Variants in OBP2B observed in about 807,000 individuals in gnomAD.
The protein encoded by OBP2B is odorant binding protein 2B.
Under a neutral mutation model 21.7 loss-of-function variants are expected in OBP2B, and 10 were observed. The ratio of observed to expected loss-of-function variants is 0.46; its 90% CI spans 0.28 to 0.78. The LOEUF (loss-of-function observed/expected upper bound fraction) is 0.78, where lower values mean the gene tolerates loss of function less well. OBP2B is among the 30% of genes least tolerant of loss of function. The pLI is 0.11. For missense variants in OBP2B, 153 were observed against 217.7 expected (o/e 0.70, Z 1.87); for synonymous variants, 73 against 91.5 (o/e 0.80, Z 1.16).
upstream of OBP2B, among the ~76,000 whole-genome samples, chr9:133,210,221 G>A (rs1419800126): frequency 6.6e-6 from 1 of 152,074 alleles, no homozygotes; most frequent in African/African-American, 2.4e-5. Context: ...GCATTTCCCA[G>A]GTGTGTGTCA....
chr9:133,211,444 T>C (rs1268235691), upstream of OBP2B, among the ~76,000 whole-genome samples: 1 of 152,114 alleles, frequency 6.6e-6, no homozygotes, highest in Non-Finnish European at 1.5e-5. Context: ...CCTGCCACAG[T>C]TGTAGATCGT....
the OBP2B span, among the ~76,000 whole-genome samples, chr9:133,220,876 A>C: frequency 6.6e-6 from 1 of 152,160 alleles, no homozygotes; most frequent in Admixed American, 6.5e-5. Flanking sequence ...AGGAGAGAGA[A>C]TATTTATGAA....
chr9:133,208,621 G>A lies in OBP2B; in HGVS notation c.73-19C>T, dbSNP rs1356154941. ...CTGTGATCTGGAGCAGGCCAAGGCCGTGAGCCCACCATGGGTGGCCCAGAT... is the reference window on the plus strand; with the variant it reads ...CTGTGATCTGGAGCAGGCCAAGGCCATGAGCCCACCATGGGTGGCCCAGAT... On this transcript the variant is annotated intron_variant, in intron 1 of 6. Transcript: ENST00000372034. 12 of 1,585,440 alleles carry A rather than the reference G, an allele frequency of 7.6e-6. No individual in the cohort carries two copies. Among genetic ancestry groups the A allele is most frequent in the African/African-American group, 2.7e-5 (2 of 74,272 alleles).
upstream of OBP2B, among the ~76,000 whole-genome samples, chr9:133,210,283 C>T (rs1281342293): frequency 6.6e-6 from 1 of 152,176 alleles, no homozygotes; most frequent in Non-Finnish European, 1.5e-5. Flanking sequence ...GTGCTGGACC[C>T]ACACAATGGC....
At chr9:133,212,866 G>A (rs1182147130), upstream of OBP2B, among the ~76,000 whole-genome samples, 1 of 152,114 alleles carries the variant, frequency 6.6e-6, no homozygotes, top group East Asian at 1.9e-4. Flanking sequence ...GGGAGGCGGA[G>A]GTTGCAGTGG....
chr9:133,219,934 T>G, the OBP2B span, among the ~76,000 whole-genome samples: 19 of 152,194 alleles, frequency 1.2e-4, no homozygotes, highest in Admixed American at 5.9e-4. Flanking sequence ...GAAATATTAT[T>G]CTGTCATAAA....
At chr9:133,214,825 G>A in the OBP2B span, among the ~76,000 whole-genome samples, 80 of 152,326 alleles carry the variant, frequency 5.3e-4, no homozygotes, top group Non-Finnish European at 9.8e-4. Context: ...AGTTACAAAC[G>A]CTTTCTCCTT....
chr9:133,205,528 G>A (rs1833676352), intron 6 of OBP2B, 117 bp from the exon 7 acceptor site: 1 of 702,030 alleles, frequency 1.4e-6, no homozygotes, highest in Admixed American at 3.0e-5. Flanking sequence ...GGCAACCTCG[G>A]GGCTCCAGAG....
At chr9:133,219,799 T>C in the OBP2B span, among the ~76,000 whole-genome samples, 1 of 152,178 alleles carries the variant, frequency 6.6e-6, no homozygotes, top group Non-Finnish European at 1.5e-5. Flanking sequence ...AATGAAAACA[T>C]ATGTTCCCAT....
intron 4 of OBP2B, among the ~76,000 whole-genome samples, chr9:133,206,774 G>C (rs1833728801): frequency 2.0e-5 from 3 of 151,904 alleles, no homozygotes; most frequent in Admixed American, 2.0e-4. Context: ...CCAGGAAGGG[G>C]GACAGTGGCG....
At chr9:133,207,932 G>C in intron 3 of OBP2B, 1 of 1,534,074 alleles carries the variant, frequency 6.5e-7, no homozygotes. Flanking sequence ...GGTCCATCTC[G>C]ACTGCGGACA....
chr9:133,208,085 G>C (rs1214432429), intron 3 of OBP2B, 48 bp downstream of exon 3: 2 of 1,531,958 alleles, frequency 1.3e-6, no homozygotes, highest in African/African-American at 2.8e-5. Flanking sequence ...TGGTGCACTG[G>C]GGTTGGCGGT....
At position 133,208,572 on chromosome 9, in the gene OBP2B, C is replaced by A; in HGVS notation, c.103G>T (p.Val35Leu). The change falls in exon 2 of 7, where the codon GTG (valine) becomes TTG (leucine). Residue 35 changes from valine to leucine, a missense_variant. Physicochemically the swap from Val to Leu is conservative, Grantham distance 32 (BLOSUM62 1). Coordinates refer to ENST00000372034, the MANE Select transcript of OBP2B (RefSeq NM_014581.4). ...ITGTWYVKAM[V>L]VDKDFPEDRR... ...TCCTCCGGAAAGTCCTTATCGACCA[C>A]CATGGCCTTCACGTACCAGGTCCCT... The A allele has an allele frequency of 6.2e-7, 1 of 1,612,268 alleles. No homozygotes were observed. The highest frequency in any genetic ancestry group is 8.5e-7 in the Non-Finnish European group (1 of 1,178,978).
the OBP2B span, among the ~76,000 whole-genome samples, chr9:133,218,641 G>T: frequency 6.6e-6 from 1 of 152,188 alleles, no homozygotes; most frequent in Non-Finnish European, 1.5e-5. Flanking sequence ...CACAGACAGC[G>T]CAGGCTGTGA....
chr9:133,219,579 C>T, the OBP2B span, among the ~76,000 whole-genome samples: 5 of 152,194 alleles, frequency 3.3e-5, no homozygotes, highest in Non-Finnish European at 7.4e-5. Context: ...ACTTCACACT[C>T]ATTAGGATGG....
chr9:133,220,892 G>A, the OBP2B span, among the ~76,000 whole-genome samples: 1 of 152,196 alleles, frequency 6.6e-6, no homozygotes, highest in Non-Finnish European at 1.5e-5. Context: ...ATGAACAGAA[G>A]TAGAAGAGGC....
At chr9:133,216,524 T>C in the OBP2B span, among the ~76,000 whole-genome samples, 69 of 148,750 alleles carry the variant, frequency 4.6e-4, no homozygotes, top group Non-Finnish European at 8.5e-4. Flanking sequence ...AACCCCGCAA[T>C]AGAACCCCTG....
chr9:133,211,206 A>G (rs1833912288), upstream of OBP2B, among the ~76,000 whole-genome samples: 1 of 152,226 alleles, frequency 6.6e-6, no homozygotes, highest in Non-Finnish European at 1.5e-5. Flanking sequence ...GCACGCCAAG[A>G]AGGAGCAGAG....
At chr9:133,212,422 G>A (rs1405928458), upstream of OBP2B, among the ~76,000 whole-genome samples, 2 of 152,150 alleles carry the variant, frequency 1.3e-5, no homozygotes, top group African/African-American at 4.8e-5. Flanking sequence ...ACCATATCCT[G>A]GATGAGAAAA....
Sources: gnomAD v4.1 joint callset for allele counts (sites outside exome capture counted in the v4.1 genomes callset) on GRCh38, gnomAD v4.1.1 for gene constraint, MANE v1.5 for transcripts, NCBI Gene and HGNC (gene_info 2026-07-23, HGNC 2026-07-21) for gene names.